The following BCAP29 variants were observed in gnomAD, a reference collection of about 807,000 sequenced individuals.
The protein encoded by BCAP29 is B-cell receptor-associated protein 29.
A neutral mutation model predicts 31.8 loss-of-function variants in BCAP29; 34 were observed. That is an observed-to-expected ratio of 1.07 (90% CI 0.81 to 1.42). The LOEUF (loss-of-function observed/expected upper bound fraction) is 1.42. BCAP29 is among the 40% of genes most tolerant of loss of function. The pLI is 0.00. For synonymous variants in BCAP29, 104 were observed against 91.3 expected, an observed-to-expected ratio of 1.14 and a Z score of -0.79; for missense variants, 314 against 269.2, an observed-to-expected ratio of 1.17 and a Z score of -1.16.
chr7:107,612,911 A>G (rs1033076085), intron 6 of BCAP29, among the ~76,000 whole-genome samples: 18 of 152,278 alleles, frequency 1.2e-4, no homozygotes, highest in Middle Eastern at 3.4e-3. Context: ...ACTAAATGCA[A>G]TATGTGATCT....
chr7:107,599,394 C>G (rs1810732488), intron 5 of BCAP29, among the ~76,000 whole-genome samples: 1 of 133,700 alleles, frequency 7.5e-6, no homozygotes, highest in African/African-American at 2.8e-5. Context: ...GTGGCACACG[C>G]CTATAGTCTC....
intron 3 of BCAP29, among the ~76,000 whole-genome samples, chr7:107,591,684 C>T (rs988061399): frequency 6.3e-5 from 3 of 47,274 alleles, no homozygotes; most frequent in Non-Finnish European, 1.3e-4. Flanking sequence ...CCCTGGAGAA[C>T]CCTTACATCT....
intron 6 of BCAP29, among the ~76,000 whole-genome samples, chr7:107,607,092 A>G (rs1812242719): frequency 6.6e-6 from 1 of 152,188 alleles, no homozygotes; most frequent in African/African-American, 2.4e-5. Context: ...GGGCAGGTGG[A>G]TCATTTGAGC....
In BCAP29 at chr7:107,618,397, A is replaced by G. The variant is rs750906931; in HGVS notation, c.*34A>G. The G allele has an allele frequency of 2.2e-5, 35 of 1,612,340 alleles. No homozygotes were observed. Among genetic ancestry groups the G allele is most frequent in the Non-Finnish European group, 3.0e-5 (35 of 1,178,706 alleles). On this transcript the variant is annotated 3_prime_UTR_variant, in exon 8 of 8. Coordinates refer to ENST00000005259, the MANE Select transcript of BCAP29 (RefSeq NM_018844.4). ...AAAGACACTTGCAATATACTGTGTC[A>G]AAATGATAATTTTGTTATGTTAGCC... is the stretch of plus-strand genomic sequence containing the variant.
chr7:107,620,713 C>A (rs560696690), downstream of BCAP29: 60 of 152,262 alleles, frequency 3.9e-4, no homozygotes, highest in African/African-American at 1.2e-3. Context: ...GATGAGTTAT[C>A]CTTGTTGTTT....
At chr7:107,590,480 A>G (rs1397148183) in intron 3 of BCAP29, among the ~76,000 whole-genome samples, 4 of 152,210 alleles carry the variant, frequency 2.6e-5, no homozygotes, top group Non-Finnish European at 2.9e-5. Context: ...GATTGCAAAG[A>G]AAGAAGTAAA....
chr7:107,580,221 C>A (rs1806315178), upstream of BCAP29: 1 of 152,004 alleles, frequency 6.6e-6, no homozygotes, highest in Non-Finnish European at 1.5e-5. Context: ...TGGCTCCCCT[C>A]CCCCGCCCAG....
intron 3 of BCAP29, among the ~76,000 whole-genome samples, chr7:107,584,352 G>T (rs1674971487): frequency 6.6e-6 from 1 of 152,160 alleles, no homozygotes; most frequent in African/African-American, 2.4e-5. Context: ...GCAAATAAAA[G>T]AATAGAATCA....
intron 3 of BCAP29, among the ~76,000 whole-genome samples, chr7:107,592,024 C>T (rs1808960436): frequency 6.6e-6 from 1 of 151,998 alleles, no homozygotes. Context: ...TGGCCTCATG[C>T]TATCCTTCTG....
chr7:107,595,872 T>C lies in BCAP29; in HGVS notation c.350T>C (p.Leu117Ser). The stretch of plus-strand genomic sequence containing the variant: ...ATTCTGGTTTTTTTTCTTAGAGTTT[T>C]GAGACGTCTGGTTACGCTTATTACT... ...SGFSLFFWLVLRRLVTLITQL... is the reference protein window; with the variant it reads ...SGFSLFFWLVSRRLVTLITQL... The change falls in exon 5 of 8, where the codon TTG (leucine) becomes TCG (serine). Residue 117 changes from leucine to serine, a missense_variant. Leu to Ser is a moderately radical substitution (Grantham distance 145). Coordinates refer to ENST00000005259, the MANE Select transcript of BCAP29 (RefSeq NM_018844.4). 1 of 1,595,662 alleles carries C rather than the reference T, an allele frequency of 6.3e-7. No individual in the cohort carries two copies. Among genetic ancestry groups the C allele is most frequent in the East Asian group, 2.3e-5 (1 of 44,296 alleles).
chr7:107,611,535 G>T lies in BCAP29; in HGVS notation c.590-1797G>T, dbSNP rs540031677. 1.9e-3 allele frequency among the ~76,000 whole-genome samples: 285 copies of T among 152,264 alleles called. 2 individuals are homozygous for T. Among genetic ancestry groups the T allele is most frequent in the African/African-American group, 6.7e-3 (277 of 41,554 alleles). On this transcript the variant is annotated intron_variant, in intron 6 of 7. Coordinates refer to ENST00000005259, the MANE Select transcript of BCAP29 (RefSeq NM_018844.4). ...GTATTTTATGTACCAGAAATCCAGG[G>T]TCTTAAACTTTTTTGCTGAGCTCTG...
At chr7:107,603,943 G>T (rs539653344) in intron 6 of BCAP29, among the ~76,000 whole-genome samples, 1 of 152,000 alleles carries the variant, frequency 6.6e-6, no homozygotes, top group African/African-American at 2.4e-5. Context: ...TAATTCAGTC[G>T]TTGTAAAGTC....
At chr7:107,604,753 T>C (rs1440741875) in intron 6 of BCAP29, among the ~76,000 whole-genome samples, 1 of 151,378 alleles carries the variant, frequency 6.6e-6, no homozygotes, top group Non-Finnish European at 1.5e-5. Context: ...AAACATATTA[T>C]TTGTTTTCAT....
At chr7:107,611,350 T>C (rs1050192580) in intron 6 of BCAP29, among the ~76,000 whole-genome samples, 6 of 152,090 alleles carry the variant, frequency 3.9e-5, no homozygotes, top group Non-Finnish European at 7.4e-5. Flanking sequence ...GAGAATTGCT[T>C]GAGCCCAGGA....
chr7:107,611,995 A>G (rs1813210347), intron 6 of BCAP29, among the ~76,000 whole-genome samples: 1 of 152,186 alleles, frequency 6.6e-6, no homozygotes, highest in South Asian at 2.1e-4. Context: ...ACATTTGACA[A>G]TACTGTCTAG....
intron 3 of BCAP29, chr7:107,587,703 A>C (rs1407788427): frequency 6.6e-6 from 1 of 152,148 alleles, no homozygotes; most frequent in East Asian, 1.9e-4. Context: ...AACCTAGATA[A>C]AATGTATAAT....
At chr7:107,599,661 G>C (rs1246314880) in intron 5 of BCAP29, among the ~76,000 whole-genome samples, 1 of 151,666 alleles carries the variant, frequency 6.6e-6, no homozygotes, top group Admixed American at 6.6e-5. Flanking sequence ...CTTTAAGTCA[G>C]CTTCTTAGTT....
Position 107,617,407 on chromosome 7 carries a change from T to G in BCAP29, c.691-921T>G, listed in dbSNP as rs145936106. Among the ~76,000 whole-genome samples, 411 of 152,224 alleles carry G rather than the reference T, an allele frequency of 2.7e-3. 2 individuals carry two copies. The highest frequency in any genetic ancestry group is 9.6e-3 in the African/African-American group (400 of 41,538). ...TCCCCTCCCTGTTATAGGCACTAAA[T>G]AAATATTAGAAAACAGTCCCTTCAA... On this transcript the variant is annotated intron_variant, in intron 7 of 7. Transcript: ENST00000005259.
chr7:107,601,634 A>C (rs1811201558), intron 6 of BCAP29, among the ~76,000 whole-genome samples: 1 of 152,236 alleles, frequency 6.6e-6, no homozygotes, highest in African/African-American at 2.4e-5. Flanking sequence ...GAACATGATC[A>C]AGAAATGTTA....
Sources: allele counts gnomAD v4.1 joint callset (sites outside exome capture counted in the v4.1 genomes callset), GRCh38; gene constraint gnomAD v4.1.1; transcripts MANE v1.5; gene names NCBI Gene and HGNC (gene_info 2026-07-23, HGNC 2026-07-21).